PCDH11X: variants seen among roughly 807,000 people sequenced by gnomAD.
PCDH11X encodes protocadherin 11 X-linked.
Under a neutral mutation model 53.3 loss-of-function variants are expected in PCDH11X, and 18 were observed. That is an observed-to-expected ratio of 0.34 (90% CI 0.23 to 0.50). The LOEUF is 0.50. PCDH11X is among the 20% of genes least tolerant of loss of function. The pLI, the probability that PCDH11X is intolerant of heterozygous loss-of-function variation, is 0.98. For synonymous variants in PCDH11X, 279 were observed against 393.3 expected, an observed-to-expected ratio of 0.71 and a Z score of 3.44; for missense variants, 570 against 1,032.4, an observed-to-expected ratio of 0.55 and a Z score of 6.14.
At chrX:92,386,809 G>A (rs1364597063) in intron 8 of PCDH11X, among the ~76,000 whole-genome samples, 2 of 103,782 alleles carry the variant, frequency 1.9e-5, no homozygotes, top group Admixed American at 1.1e-4. Flanking sequence ...TTTCAATGCA[G>A]CTGTAATTTT....
At chrX:91,837,743 A>G (rs1285470149) in intron 5 of PCDH11X, among the ~76,000 whole-genome samples, 1 of 111,000 alleles carries the variant, frequency 9.0e-6, no homozygotes, top group East Asian at 2.8e-4. Flanking sequence ...AACAGAGTGG[A>G]CAGTCTCTCT....
At chrX:92,033,594 CATA>C (rs936483785) in intron 6 of PCDH11X, among the ~76,000 whole-genome samples, 1 of 108,646 alleles carries the variant, frequency 9.2e-6, no homozygotes, top group Admixed American at 9.9e-5. Flanking sequence ...TGGTTTCAGT[CATA>C]ATGTCTCCTT....
chrX:91,783,251 C>A (rs1317029937), intron 1 of PCDH11X, among the ~76,000 whole-genome samples: 1 of 111,152 alleles, frequency 9.0e-6, no homozygotes, highest in Non-Finnish European at 1.9e-5. Flanking sequence ...GAAAGAAACT[C>A]CGACCAAGCA....
chrX:91,817,065 G>T (rs1455137688), intron 4 of PCDH11X, among the ~76,000 whole-genome samples: 1 of 110,345 alleles, frequency 9.1e-6, no homozygotes, highest in Non-Finnish European at 1.9e-5. Flanking sequence ...TTATCAAGTG[G>T]AGAGTTATTT....
intron 6 of PCDH11X, among the ~76,000 whole-genome samples, chrX:92,093,866 C>T (rs758590137): frequency 3.6e-5 from 4 of 110,701 alleles, no homozygotes; most frequent in Admixed American, 1.9e-4. Flanking sequence ...TAAAGTGATA[C>T]GCAAGAGATG....
At position 91,824,691 on chromosome X, in the gene PCDH11X, T is replaced by C. The variant is rs1329918782; in HGVS notation, c.-44-10770T>C. Among the ~76,000 whole-genome samples, 253 of 104,991 alleles carry C rather than the reference T, an allele frequency of 2.4e-3. 1 individual carries two copies. The highest frequency in any genetic ancestry group is 9.7e-3 in the African/African-American group (242 of 24,952). The allele number at this position is 104,991 out of a possible 115,157, so 91.2% of individuals were successfully genotyped here. ...CTCTCAGCTCGTCAAAGTCATTCTC[T>C]GTTCAGCTTTGTTCCGTTGCTGGTG... On this transcript the variant is annotated intron_variant, in intron 4 of 10. Transcript: ENST00000682573.
At chrX:92,313,650 T>C (rs2069005621) in intron 8 of PCDH11X, among the ~76,000 whole-genome samples, 1 of 109,484 alleles carries the variant, frequency 9.1e-6, no homozygotes, top group South Asian at 3.9e-4. Flanking sequence ...TTCCTTGTTA[T>C]GAGAACATCA....
At chrX:92,142,653 C>T (rs779205007) in intron 6 of PCDH11X, among the ~76,000 whole-genome samples, 6 of 111,381 alleles carry the variant, frequency 5.4e-5, no homozygotes, top group South Asian at 3.7e-4. Context: ...GAATTACAGT[C>T]GCACATGCAC....
chrX:92,466,426 C>T (rs1390819560), intron 9 of PCDH11X, among the ~76,000 whole-genome samples: 2 of 107,933 alleles, frequency 1.9e-5, no homozygotes, highest in African/African-American at 3.4e-5. Flanking sequence ...ATAATGAATG[C>T]ATTTCTTAGT....
intron 6 of PCDH11X, among the ~76,000 whole-genome samples, chrX:92,123,184 T>C (rs1370172939): frequency 1.8e-5 from 2 of 111,312 alleles, no homozygotes; most frequent in African/African-American, 3.3e-5. Context: ...TGCCAACCAA[T>C]TTTCTCTACC....
At chrX:92,209,205 C>T (rs753767603) in intron 7 of PCDH11X, among the ~76,000 whole-genome samples, 40 of 111,699 alleles carry the variant, frequency 3.6e-4, no homozygotes, top group Non-Finnish European at 7.3e-4. Flanking sequence ...TCCCAGCAGG[C>T]CCCTAAAGTT....
chrX:91,893,409 G>T (rs1451382008), intron 6 of PCDH11X, among the ~76,000 whole-genome samples: 1 of 104,543 alleles, frequency 9.6e-6, no homozygotes, highest in Non-Finnish European at 2.0e-5. Context: ...GTGCAGTGGC[G>T]CGATCTCGGC....
intron 6 of PCDH11X, among the ~76,000 whole-genome samples, chrX:92,110,003 C>T (rs58651427): frequency 0.076 from 8,452 of 111,668 alleles, 474 homozygotes; most frequent in East Asian, 0.45. Flanking sequence ...AGCTATTGAC[C>T]GATGGAGCTG....
intron 10 of PCDH11X, among the ~76,000 whole-genome samples, chrX:92,544,987 C>T (rs1332199839): frequency 9.0e-6 from 1 of 111,475 alleles, no homozygotes; most frequent in Non-Finnish European, 1.9e-5. Context: ...TGCCTTCACC[C>T]AGATTCTATG....
intron 8 of PCDH11X, among the ~76,000 whole-genome samples, chrX:92,326,633 T>G (rs867770752): frequency 1.9e-5 from 1 of 53,332 alleles, no homozygotes; most frequent in Non-Finnish European, 2.9e-5. Context: ...TATATATATA[T>G]ATATATAGAG....
chrX:92,113,288 T>C (rs1254270426), intron 6 of PCDH11X: 2 of 1,202,041 alleles, frequency 1.7e-6, no homozygotes, highest in Non-Finnish European at 2.2e-6. Flanking sequence ...ATGGAGGTGT[T>C]GTAGAAGGTC....
At chrX:92,572,843 C>T (rs866877260) in intron 10 of PCDH11X, among the ~76,000 whole-genome samples, 339 of 103,447 alleles carry the variant, frequency 3.3e-3, no homozygotes, top group Non-Finnish European at 5.2e-3. Context: ...GAGATCACGG[C>T]ACTGCACTTT....
chrX:92,618,776 C>A lies in PCDH11X; in HGVS notation c.3880C>A (p.Gln1294Lys). ...QGADGLCSVD[Q>K]GVQGSATSQF... is the part of the protein sequence containing the mutation. ...TGCTGATGGGCTATGCTCTGTTGAT[C>A]AGGGAGTGCAAGGTAGTGCAACATC... Residue 1294 changes from glutamine to lysine, a missense_variant, in exon 11 of 11, where the codon CAG becomes AAG. This residue lies in a region of PCDH11X where 234 missense variants were observed against 296.1 expected (regional missense o/e 0.79). Coordinates refer to ENST00000682573, the MANE Select transcript of PCDH11X (RefSeq NM_032968.5). 8.3e-7 allele frequency: 1 copy of A among 1,211,796 alleles called. No homozygotes were observed. The highest frequency in any genetic ancestry group is 1.1e-6 in the Non-Finnish European group (1 of 895,476).
intron 6 of PCDH11X, among the ~76,000 whole-genome samples, chrX:92,176,980 T>G (rs142400372): frequency 0.012 from 1,316 of 107,651 alleles, 13 homozygotes; most frequent in Non-Finnish European, 0.019. Flanking sequence ...TTTTTTTGGT[T>G]GTTGTTTTTT....
Sources: allele counts gnomAD v4.1 joint callset (sites outside exome capture counted in the v4.1 genomes callset), GRCh38; gene constraint gnomAD v4.1.1; regional missense constraint gnomAD v4.1.1; transcripts MANE v1.5; gene names NCBI Gene and HGNC (gene_info 2026-07-23, HGNC 2026-07-21).